Variants in ARHGAP39 observed in about 807,000 individuals in gnomAD.
ARHGAP39 encodes the protein rho GTPase-activating protein 39.
Under a neutral mutation model 106.9 loss-of-function variants are expected in ARHGAP39, and 44 were observed. That is an observed-to-expected ratio of 0.41 (90% CI 0.32 to 0.53). The LOEUF is 0.53. ARHGAP39 is among the 20% of genes least tolerant of loss of function. ARHGAP39 has a pLI of 0.21. For synonymous variants in ARHGAP39, 768 were observed against 693.2 expected (o/e 1.11, Z -1.69); for missense variants, 1,496 against 1,577.3 (o/e 0.95, Z 0.87).
intron 3 of ARHGAP39, among the ~76,000 whole-genome samples, chr8:144,562,092 TTACTCCAGTGGTTTCCATC>T (rs1282745719): frequency 4.0e-4 from 58 of 145,898 alleles, no homozygotes; most frequent in Admixed American, 8.1e-4. Context: ...TCCATCGGAC[TTACTCCAGTGGTTTCCATC>T]GGACTTACTC....
chr8:144,599,338 T>C (rs1819752416), intron 2 of ARHGAP39, among the ~76,000 whole-genome samples: 1 of 152,178 alleles, frequency 6.6e-6, no homozygotes, highest in Non-Finnish European at 1.5e-5. Context: ...ACAATCTCGA[T>C]GGTCTGGGAG....
chr8:144,588,808 C>T (rs527591861), intron 2 of ARHGAP39, among the ~76,000 whole-genome samples: 27 of 152,380 alleles, frequency 1.8e-4, no homozygotes, highest in Non-Finnish European at 2.5e-4. Flanking sequence ...GTGCTCACCG[C>T]GCCGTGACAT....
chr8:144,618,989 G>T (rs1020636604), intron 1 of ARHGAP39, among the ~76,000 whole-genome samples: 1 of 152,232 alleles, frequency 6.6e-6, no homozygotes, highest in African/African-American at 2.4e-5. Context: ...CCCAGGGCCT[G>T]TGGTGGTCTC....
rs1038583647 is a variant in ARHGAP39 at position 144,671,412 on chromosome 8, T to G, written c.-82+14274A>C. ...AACCCTTTCACTCTTCCTAACTGCA[T>G]GCTGACTCGGAAGGTGGGGCTCAAG... On this transcript the variant is annotated intron_variant, in intron 1 of 11. Coordinates refer to ENST00000377307, the MANE Select transcript of ARHGAP39 (RefSeq NM_025251.3). This position sits in a 1 kb window ranked among gnomAD's most constrained non-coding sequence, Gnocchi z 4.5. 6.6e-6 allele frequency among the ~76,000 whole-genome samples: 1 copy of G among 152,250 alleles called. No homozygotes were observed. The highest frequency in any genetic ancestry group is 1.5e-5 in the Non-Finnish European group (1 of 68,034).
intron 1 of ARHGAP39, among the ~76,000 whole-genome samples, chr8:144,656,682 C>T (rs1178000290): frequency 1.3e-5 from 2 of 151,856 alleles, no homozygotes; most frequent in African/African-American, 2.4e-5. Flanking sequence ...GTGGCACACA[C>T]CTGTAATCCC....
At chr8:144,601,757 G>C (rs1482887178) in intron 2 of ARHGAP39, among the ~76,000 whole-genome samples, 3 of 139,480 alleles carry the variant, frequency 2.2e-5, no homozygotes, top group African/African-American at 8.2e-5. Context: ...GTGTGCTCGT[G>C]AACCTGTGTG....
At chr8:144,567,836 C>A (rs1184491307) in intron 3 of ARHGAP39, among the ~76,000 whole-genome samples, 2 of 152,224 alleles carry the variant, frequency 1.3e-5, no homozygotes, top group African/African-American at 4.8e-5. Flanking sequence ...CTTTACCTAT[C>A]ATTGGAGATG....
intron 7 of ARHGAP39, among the ~76,000 whole-genome samples, chr8:144,534,552 GTATTTGACTC>G (rs1410763266): frequency 6.6e-6 from 1 of 152,216 alleles, no homozygotes; most frequent in Non-Finnish European, 1.5e-5. Flanking sequence ...AGCTGTCCAG[GTATTTGACTC>G]TTCTCTGCTT....
chr8:144,614,860 G>A (rs188043539), intron 1 of ARHGAP39, among the ~76,000 whole-genome samples: 2 of 152,278 alleles, frequency 1.3e-5, no homozygotes, highest in East Asian at 3.9e-4. Flanking sequence ...TGTTTTGAGA[G>A]CTCTGAGTAC....
rs569717026 is a variant in ARHGAP39, at chr8:144,611,860, T to C, written c.-81-6165A>G. Among the ~76,000 whole-genome samples the C allele has an allele frequency of 7.2e-5, 11 of 151,854 alleles. No homozygotes were observed. In the South Asian group the frequency reaches 2.3e-3, roughly 32 times the overall value. ...GCGAGACCCTGTCTCTATAAAAAAATTAGCCAGACATGGTGGGGTGCACTT... is the reference window on the plus strand; with the variant it reads ...GCGAGACCCTGTCTCTATAAAAAAACTAGCCAGACATGGTGGGGTGCACTT... On this transcript the variant is annotated intron_variant, in intron 1 of 11. Coordinates refer to ENST00000377307, the MANE Select transcript of ARHGAP39 (RefSeq NM_025251.3).
At chr8:144,556,574 AGGCTGAACCTTCATAGTATTCAG>A (rs1817928878) in intron 3 of ARHGAP39, among the ~76,000 whole-genome samples, 11 of 151,302 alleles carry the variant, frequency 7.3e-5, no homozygotes, top group Admixed American at 1.3e-4. Flanking sequence ...TCAGAGGCAA[AGGCTGAACCTTCATAGTATTCAG>A]AGGCAAAGGC....
At chr8:144,661,117 G>A (rs1208997138) in intron 1 of ARHGAP39, among the ~76,000 whole-genome samples, 1 of 152,086 alleles carries the variant, frequency 6.6e-6, no homozygotes, top group Non-Finnish European at 1.5e-5. Context: ...TCTCAGCACC[G>A]CCGTGAAAAC....
chr8:144,537,598 C>G, intron 7 of ARHGAP39, 123 bp downstream of exon 7: 1 of 880,770 alleles, frequency 1.1e-6, no homozygotes, highest in Non-Finnish European at 1.8e-6. Flanking sequence ...GGCCACAGGC[C>G]TGAGGTTAGT....
chr8:144,551,514 ACT>A (rs1157616453), intron 4 of ARHGAP39, among the ~76,000 whole-genome samples: 3 of 151,720 alleles, frequency 2.0e-5, no homozygotes, highest in Non-Finnish European at 2.9e-5. Flanking sequence ...AGGCCCAGAC[ACT>A]CTCCCCAGGC....
chr8:144,540,015 A>C (rs758619508), intron 6 of ARHGAP39, among the ~76,000 whole-genome samples: 19 of 152,252 alleles, frequency 1.2e-4, no homozygotes, highest in Non-Finnish European at 2.2e-4. Flanking sequence ...CTGATTCATA[A>C]GCACAGCAGA....
intron 1 of ARHGAP39, among the ~76,000 whole-genome samples, chr8:144,681,324 C>T (rs530045322): frequency 1.1e-4 from 17 of 152,070 alleles, no homozygotes; most frequent in Non-Finnish European, 1.9e-4. Flanking sequence ...TCCAGCTCTG[C>T]GAGGGAGTCT....
Position 144,533,277 on chromosome 8 carries a change from C to T in ARHGAP39, c.2737G>A (p.Val913Met), listed in dbSNP as rs149697227. ...CTGCCGAACATGGACGGGCTGAACA[C>T]GGCGTTCTTGGCATGCCGGATCTCC... ...VEEIRHAKNAVFSPSMFGSAL... is the reference protein window; with the variant it reads ...VEEIRHAKNAMFSPSMFGSAL... The change falls in exon 9 of 12, where the codon GTG (valine) becomes ATG (methionine). Residue 913 changes from valine to methionine, a missense_variant. Around this residue, in one of 4 missense-constraint regions of ARHGAP39, gnomAD observed 470 missense variants for 605.1 expected, o/e 0.78. Transcript: ENST00000377307. 103 of 1,613,174 alleles carry T rather than the reference C, an allele frequency of 6.4e-5. No homozygotes were observed. Among genetic ancestry groups the T allele is most frequent in the African/African-American group, 1.7e-4 (13 of 75,054 alleles).
Position 144,581,020 on chromosome 8 carries a change from G to A in ARHGAP39, c.338C>T (p.Thr113Met). 2 of 1,588,404 alleles carry A rather than the reference G, an allele frequency of 1.3e-6. No homozygotes were observed. The highest frequency in any genetic ancestry group is 1.7e-6 in the Non-Finnish European group (2 of 1,167,866). ...LAKLQTLKQNTESPRASAESS... is the reference protein window; with the variant it reads ...LAKLQTLKQNMESPRASAESS... The stretch of plus-strand genomic sequence containing the variant: ...CTCCGCCGAGGCGCGCGGGGACTCC[G>A]TGTTCTGCTTCAGCGTCTGCAGCTT... Residue 113 changes from threonine to methionine, a missense_variant, in exon 3 of 12, where the codon ACG (threonine) becomes ATG (methionine). This residue lies in a region of ARHGAP39 where 905 missense variants were observed against 816.4 expected (regional missense o/e 1.11). Coordinates refer to ENST00000377307, the MANE Select transcript of ARHGAP39 (RefSeq NM_025251.3).
chr8:144,622,019 C>T (rs1820819473), intron 1 of ARHGAP39, among the ~76,000 whole-genome samples: 1 of 152,156 alleles, frequency 6.6e-6, no homozygotes, highest in Non-Finnish European at 1.5e-5. Flanking sequence ...ATCAAATCAA[C>T]TGGAAAAACA....
Sources: gnomAD v4.1 joint callset for allele counts (sites outside exome capture counted in the v4.1 genomes callset) on GRCh38, gnomAD v4.1.1 for gene constraint, gnomAD v4.1.1 regional missense constraint, Gnocchi (gnomAD v3.1) non-coding constraint, MANE v1.5 for transcripts, NCBI Gene and HGNC (gene_info 2026-07-23, HGNC 2026-07-21) for gene names.